RTN4: variants seen among roughly 807,000 people sequenced by gnomAD.
The protein encoded by RTN4 is reticulon 4.
RTN4 carries 32 observed loss-of-function variants against 90.4 expected under a neutral mutation model. The observed-to-expected ratio is 0.35, with a 90% CI of 0.27 to 0.48. The LOEUF is 0.48. RTN4 is among the 20% of genes least tolerant of loss of function. The pLI, the probability that RTN4 is intolerant of heterozygous loss-of-function variation, is 0.99. For missense variants in RTN4, 1,706 were observed against 1,430.2 expected (o/e 1.19, Z -3.11); for synonymous variants, 629 against 552.5 (o/e 1.14, Z -1.94).
At position 55,087,449 on chromosome 2, in the gene RTN4, T is replaced by C. The variant is rs569124831; in HGVS notation, c.-213-6810A>G. Among the ~76,000 whole-genome samples, 195 of 152,362 alleles carry C rather than the reference T, an allele frequency of 1.3e-3. 1 individual carries two copies. Among genetic ancestry groups the C allele is most frequent in the African/African-American group, 4.4e-3 (184 of 41,584 alleles). Reference sequence around the variant, plus strand: ...CAATGTATAACATTGGTTTGCATGTTTTCAAAACTTCATAGAAATGCTACT... The same window carrying C: ...CAATGTATAACATTGGTTTGCATGTCTTCAAAACTTCATAGAAATGCTACT... On this transcript the variant is annotated intron_variant, in intron 1 of 3. Transcript: ENST00000427710.
At chr2:55,078,963 T>G (rs899443745) in intron 2 of RTN4, among the ~76,000 whole-genome samples, 2 of 151,970 alleles carry the variant, frequency 1.3e-5, no homozygotes, top group Non-Finnish European at 2.9e-5. Context: ...AAATGGAAAA[T>G]AGAGTAAGAC....
At chr2:55,035,452 T>C (rs1682610287) in intron 1 of RTN4, among the ~76,000 whole-genome samples, 1 of 151,852 alleles carries the variant, frequency 6.6e-6, no homozygotes, top group Non-Finnish European at 1.5e-5. Context: ...ATCATGAAAA[T>C]GTGTGGGATG....
At chr2:55,017,363 A>G (rs1004483233) in intron 3 of RTN4, among the ~76,000 whole-genome samples, 4 of 152,222 alleles carry the variant, frequency 2.6e-5, no homozygotes, top group African/African-American at 4.8e-5. Context: ...ATGAACATAT[A>G]TAAGTTTGCA....
chr2:55,126,228 G>A, the RTN4 span, among the ~76,000 whole-genome samples: 3 of 152,102 alleles, frequency 2.0e-5, no homozygotes, highest in Non-Finnish European at 2.9e-5. Flanking sequence ...AATTAGTTGG[G>A]TGTGGTGGCG....
upstream of RTN4, among the ~76,000 whole-genome samples, chr2:55,054,793 A>T (rs1234006286): frequency 6.6e-6 from 1 of 152,144 alleles, no homozygotes; most frequent in Non-Finnish European, 1.5e-5. Context: ...AAAGACTGAA[A>T]TATCATTTTG....
At chr2:55,116,661 G>A (rs1459983198), upstream of RTN4, among the ~76,000 whole-genome samples, 1 of 152,120 alleles carries the variant, frequency 6.6e-6, no homozygotes, top group Non-Finnish European at 1.5e-5. Flanking sequence ...ATTCTAAGAT[G>A]AGGATGAACT....
chr2:55,068,194 T>C (rs35125350), intron 2 of RTN4, among the ~76,000 whole-genome samples: 2,947 of 152,326 alleles, frequency 0.019, 52 homozygotes, highest in East Asian at 0.046. Flanking sequence ...AGTAGTTTCT[T>C]AAAGGTGATT....
At chr2:55,036,708 T>G (rs896969569) in intron 1 of RTN4, among the ~76,000 whole-genome samples, 12 of 151,528 alleles carry the variant, frequency 7.9e-5, no homozygotes, top group Non-Finnish European at 1.6e-4. Flanking sequence ...AACCATATGA[T>G]CATCTCAACA....
intron 3 of RTN4, chr2:55,010,123 CTT>C (rs1350354907): frequency 6.8e-6 from 11 of 1,613,406 alleles, no homozygotes; most frequent in African/African-American, 6.7e-5. Flanking sequence ...CCGTCCATCT[CTT>C]GTCACGATCT....
At chr2:55,119,052 C>T in the RTN4 span, among the ~76,000 whole-genome samples, 2 of 152,164 alleles carry the variant, frequency 1.3e-5, no homozygotes, top group Non-Finnish European at 2.9e-5. Flanking sequence ...GGGCCCCTTC[C>T]TGAGCTGTCA....
chr2:54,998,824 G>C (rs958513414), intron 3 of RTN4, among the ~76,000 whole-genome samples: 1 of 152,282 alleles, frequency 6.6e-6, no homozygotes, highest in Non-Finnish European at 1.5e-5. Context: ...AATCACTTTA[G>C]TGGTTCCTTA....
chr2:55,037,218 G>C (rs1682752445), intron 1 of RTN4, among the ~76,000 whole-genome samples: 1 of 152,200 alleles, frequency 6.6e-6, no homozygotes, highest in Admixed American at 6.5e-5. Context: ...ACTGCTGAGA[G>C]AAATTACAGA....
At chr2:55,041,566 A>T (rs1208210677) in intron 1 of RTN4, among the ~76,000 whole-genome samples, 1 of 152,132 alleles carries the variant, frequency 6.6e-6, no homozygotes, top group Non-Finnish European at 1.5e-5. Context: ...CCATACTACA[A>T]GAATATGACA....
chr2:55,081,862 C>A (rs375253515), intron 1 of RTN4, among the ~76,000 whole-genome samples: 242 of 105,382 alleles, frequency 2.3e-3, no homozygotes, highest in East Asian at 3.7e-3. Context: ...GACCCTGTCT[C>A]AAAAAAAAAA....
chr2:55,085,630 G>A (rs1249306488), intron 1 of RTN4, among the ~76,000 whole-genome samples: 2 of 152,168 alleles, frequency 1.3e-5, no homozygotes, highest in Non-Finnish European at 1.5e-5. Context: ...AGACATGTTT[G>A]CTCAAATAAC....
At chr2:55,080,655 G>A (rs375396763) in intron 1 of RTN4, 1 of 152,020 alleles carries the variant, frequency 6.6e-6, no homozygotes, top group Non-Finnish European at 1.5e-5. Context: ...GAAAGAAAAG[G>A]GTAGGAAAAA....
At chr2:55,047,016 A>T (rs1667789720) in intron 1 of RTN4, 1 of 152,246 alleles carries the variant, frequency 6.6e-6, no homozygotes, top group Non-Finnish European at 1.5e-5. Context: ...CAAGATTAGT[A>T]TGCTTTTGTC....
At chr2:55,064,624 T>C (rs1200383224) in intron 2 of RTN4, among the ~76,000 whole-genome samples, 1 of 152,196 alleles carries the variant, frequency 6.6e-6, no homozygotes, top group Non-Finnish European at 1.5e-5. Flanking sequence ...GTGCTGGGAT[T>C]ACAGGTGTGA....
chr2:55,057,863 G>T (rs991775291), intron 2 of RTN4, among the ~76,000 whole-genome samples: 13 of 152,256 alleles, frequency 8.5e-5, no homozygotes, highest in African/African-American at 3.1e-4. Flanking sequence ...CATGCATGTG[G>T]TTCTAGCTAC....
Sources: gnomAD v4.1 joint callset for allele counts (sites outside exome capture counted in the v4.1 genomes callset) on GRCh38, gnomAD v4.1.1 for gene constraint, MANE v1.5 for transcripts, NCBI Gene and HGNC (gene_info 2026-07-23, HGNC 2026-07-21) for gene names.